Variants in AKAP11 observed in about 807,000 individuals in gnomAD.
AKAP11 encodes A-kinase anchoring protein 11.
Under a neutral mutation model 146.1 loss-of-function variants are expected in AKAP11, and 36 were observed. The ratio of observed to expected loss-of-function variants is 0.25; its 90% CI spans 0.19 to 0.33. The LOEUF (loss-of-function observed/expected upper bound fraction) is 0.33. Ranked by LOEUF, AKAP11 falls within the 10% of genes least tolerant of loss-of-function variation. The pLI is 1.00. For missense variants in AKAP11, 2,201 were observed against 2,197.0 expected (o/e 1.00, Z -0.04); for synonymous variants, 780 against 786.5 (o/e 0.99, Z 0.14).
At chr13:42,277,755 A>T (rs184713717) in intron 1 of AKAP11, among the ~76,000 whole-genome samples, 2 of 152,308 alleles carry the variant, frequency 1.3e-5, no homozygotes, top group East Asian at 3.9e-4. Context: ...ATAGTTGCTT[A>T]TTATGAGTAA....
chr13:42,291,322 A>G lies in AKAP11; in HGVS notation c.52-1063A>G, dbSNP rs1959210147. ...GGCTGGAGTGCAGTGGCGCAGTCTC[A>G]GCTAACTGCAACCCCCACCTCCCAG... On this transcript the variant is annotated intron_variant, in intron 3 of 12. Coordinates refer to ENST00000025301, the MANE Select transcript of AKAP11 (RefSeq NM_016248.4). Among the ~76,000 whole-genome samples, 4 of 152,148 alleles carry G rather than the reference A, an allele frequency of 2.6e-5. No homozygotes were observed. In the South Asian group the frequency reaches 6.2e-4, roughly 24 times the overall value.
chr13:42,294,542 A>G (rs1460718903), intron 4 of AKAP11, among the ~76,000 whole-genome samples: 2 of 152,084 alleles, frequency 1.3e-5, no homozygotes, highest in South Asian at 2.1e-4. Flanking sequence ...AGCTGGGACT[A>G]TAGGCATGCA....
chr13:42,280,089 A>G (rs1231822506), intron 1 of AKAP11, among the ~76,000 whole-genome samples: 1 of 152,166 alleles, frequency 6.6e-6, no homozygotes, highest in Non-Finnish European at 1.5e-5. Context: ...TACCCTGTAA[A>G]TTCTAGCCAT....
At position 42,301,657 on chromosome 13, in the gene AKAP11, T is replaced by G. The variant is rs946406492; in HGVS notation, c.2911T>G (p.Leu971Val). 11 of 1,613,992 alleles carry G rather than the reference T, an allele frequency of 6.8e-6. No individual in the cohort carries two copies. The highest frequency in any genetic ancestry group is 9.3e-6 in the Non-Finnish European group (11 of 1,179,998). ...IDKNAVYKES[L>V]PVSGEESQLT... is the part of the protein sequence containing the mutation. ...TAAAAATGCAGTATACAAGGAAAGC[T>G]TGCCTGTTTCTGGAGAAGAATCACA... The change falls in exon 8 of 13, where the codon TTG (leucine) becomes GTG (valine). Residue 971 changes from leucine to valine, a missense_variant. Around this residue, in one of 3 missense-constraint regions of AKAP11, gnomAD observed 1,867 missense variants for 1,833.5 expected, o/e 1.02. Coordinates refer to ENST00000025301, the MANE Select transcript of AKAP11 (RefSeq NM_016248.4).
chr13:42,283,584 A>T (rs982977209), intron 1 of AKAP11, among the ~76,000 whole-genome samples: 1 of 151,996 alleles, frequency 6.6e-6, no homozygotes, highest in East Asian at 1.9e-4. Flanking sequence ...GAGCACTCCC[A>T]CCTCTCCCTG....
intron 3 of AKAP11, among the ~76,000 whole-genome samples, chr13:42,288,746 G>A (rs1566261632): frequency 6.6e-6 from 1 of 152,076 alleles, no homozygotes; most frequent in Non-Finnish European, 1.5e-5. Flanking sequence ...ATTCAATTCT[G>A]ACATCTTGAA....
At chr13:42,310,850 C>T (rs1181189457) in intron 9 of AKAP11, among the ~76,000 whole-genome samples, 1 of 128,624 alleles carries the variant, frequency 7.8e-6, no homozygotes, top group Non-Finnish European at 1.6e-5. Context: ...CAGAGACAGA[C>T]TCCGTCAAAA....
chr13:42,272,081 G>A (rs1356439285), upstream of AKAP11: 1 of 101,738 alleles, frequency 9.8e-6, no homozygotes, highest in Non-Finnish European at 2.6e-5. Context: ...CGGAAGCCGA[G>A]GGGTGGGCAG....
intron 7 of AKAP11, 124 bp from the exon 8 acceptor site, chr13:42,299,239 A>T: frequency 1.2e-6 from 1 of 815,370 alleles, no homozygotes; most frequent in Non-Finnish European, 1.9e-6. Flanking sequence ...TCTTTCTGTT[A>T]AACATAGTTT....
At position 42,302,386 on chromosome 13, in the gene AKAP11, G is replaced by T; in HGVS notation, c.3640G>T (p.Ala1214Ser). Residue 1214 changes from alanine (A) to serine (S), a missense_variant, in exon 8 of 13, where the codon GCA (alanine) becomes TCA (serine). Physicochemically the swap from Ala to Ser is moderately conservative, Grantham distance 99 (BLOSUM62 1). Coordinates refer to ENST00000025301, the MANE Select transcript of AKAP11 (RefSeq NM_016248.4). ...CATCCTTTCTCTTGCAACTGAAATG[G>T]CAGCTTCCCATTTAGATAACAAAAT... The part of the protein sequence containing the change: ...THILSLATEM[A>S]ASHLDNKIIQ... The T allele has an allele frequency of 1.2e-6, 2 of 1,614,106 alleles. No individual in the cohort carries two copies. Among genetic ancestry groups the T allele is most frequent in the Non-Finnish European group, 1.7e-6 (2 of 1,180,010 alleles).
At chr13:42,273,559 C>G (rs988561276) in intron 1 of AKAP11, among the ~76,000 whole-genome samples, 2 of 152,068 alleles carry the variant, frequency 1.3e-5, no homozygotes, top group East Asian at 3.8e-4. Context: ...GAGCTAGAGA[C>G]TAATGTATGT....
Position 42,300,128 on chromosome 13 carries a change from G to C in AKAP11, c.1382G>C (p.Cys461Ser), listed in dbSNP as rs1341804726. The change falls in exon 8 of 13, where the codon TGT becomes TCT. Residue 461 changes from cysteine (C) to serine (S), a missense_variant. Around this residue, in one of 3 missense-constraint regions of AKAP11, gnomAD observed 1,867 missense variants for 1,833.5 expected, o/e 1.02. Coordinates refer to ENST00000025301, the MANE Select transcript of AKAP11 (RefSeq NM_016248.4). ...RSSAFSPLGG[C>S]TPAECFCQTD... ...TCTGCTTTTAGTCCTCTTGGAGGCTGTACTCCAGCTGAATGTTTTTGCCAA... is the reference window on the plus strand; with the variant it reads ...TCTGCTTTTAGTCCTCTTGGAGGCTCTACTCCAGCTGAATGTTTTTGCCAA... 6.2e-7 allele frequency: 1 copy of C among 1,613,926 alleles called. No individual in the cohort carries two copies. The highest frequency in any genetic ancestry group is 1.1e-5 in the South Asian group (1 of 91,070).
Position 42,319,884 on chromosome 13 carries a change from T to C in AKAP11, c.*656T>C, listed in dbSNP as rs906495565. On this transcript the variant is annotated 3_prime_UTR_variant, in exon 13 of 13. Coordinates refer to ENST00000025301, the MANE Select transcript of AKAP11 (RefSeq NM_016248.4). ...TTTCATTGACATTATTTGCCAATGCTGCCAGTCATTCTGGCATGAAAGGTG... is the reference window on the plus strand; with the variant it reads ...TTTCATTGACATTATTTGCCAATGCCGCCAGTCATTCTGGCATGAAAGGTG... The C allele has an allele frequency of 6.6e-6, 1 of 151,136 alleles. No individual in the cohort carries two copies. Among genetic ancestry groups the C allele is most frequent in the African/African-American group, 2.5e-5 (1 of 40,720 alleles). 9.4% of individuals were successfully genotyped at this position (151,136 alleles called of 1,614,324 possible).
In AKAP11 at chr13:42,301,210, G is replaced by T; in HGVS notation, c.2464G>T (p.Ala822Ser). 6.2e-7 allele frequency: 1 copy of T among 1,613,974 alleles called. No homozygotes were observed. The change falls in exon 8 of 13, where the codon GCC becomes TCC. Residue 822 changes from alanine to serine, a missense_variant. Physicochemically the swap from Ala to Ser is moderately conservative, Grantham distance 99. Transcript: ENST00000025301. ...SNGDSAQVHI[A>S]TKNREEKAAC... The stretch of plus-strand genomic sequence containing the variant: ...TGGTGATTCTGCCCAAGTGCATATT[G>T]CCACAAAAAACAGAGAAGAAAAAGC...
In AKAP11 at chr13:42,299,603, A is replaced by ATGCT; in HGVS notation, c.859_862dup (p.Ser288CysfsTer4). ...CAAAGGAGTTTCTATAGGTCATCTAATGCTTCAGATAAAGATAGTGATTTA... is the reference window on the plus strand; with the variant it reads ...CAAAGGAGTTTCTATAGGTCATCTAATGCTTGCTTCAGATAAAGATAGTGATTTA... On this transcript the variant is annotated frameshift_variant, in exon 8 of 13. Coordinates refer to ENST00000025301, the MANE Select transcript of AKAP11 (RefSeq NM_016248.4). LOFTEE classifies it high-confidence loss of function. 6.2e-7 allele frequency: 1 copy of ATGCT among 1,613,988 alleles called. No homozygotes were observed. Among genetic ancestry groups the ATGCT allele is most frequent in the African/African-American group, 1.3e-5 (1 of 75,042 alleles).
At chr13:42,299,249 T>G in intron 7 of AKAP11, 114 bp from the exon 8 acceptor site, 2 of 852,490 alleles carry the variant, frequency 2.3e-6, no homozygotes, top group Admixed American at 5.9e-5. Context: ...AAACATAGTT[T>G]AGAAGATACA....
In AKAP11 at chr13:42,301,365, C is replaced by T; in HGVS notation, c.2619C>T (p.Ser873=). ...TACCAAATGATCCTGCAATTATTAGCAACTTTTCTGCAGCAGTGGTGCATA... is the reference window on the plus strand; with the variant it reads ...TACCAAATGATCCTGCAATTATTAGTAACTTTTCTGCAGCAGTGGTGCATA... ...SKLPNDPAII[S]NFSAAVVHTI... Residue 873 remains serine (S), a synonymous_variant, in exon 8 of 13, where the codon AGC becomes AGT. Transcript: ENST00000025301. The T allele has an allele frequency of 1.7e-5, 28 of 1,613,866 alleles. No homozygotes were observed. The highest frequency in any genetic ancestry group is 2.4e-5 in the Non-Finnish European group (28 of 1,179,936).
chr13:42,279,262 C>CA (rs1210347367), intron 1 of AKAP11, among the ~76,000 whole-genome samples: 2 of 114,436 alleles, frequency 1.7e-5, no homozygotes, highest in Admixed American at 8.5e-5. Context: ...CACGTGCACA[C>CA]CCACACACAC....
Position 42,301,706 on chromosome 13 carries a change from A to G in AKAP11, c.2960A>G (p.Lys987Arg), listed in dbSNP as rs201504602. 1.7e-5 allele frequency: 28 copies of G among 1,614,076 alleles called. No individual in the cohort carries two copies. Among genetic ancestry groups the G allele is most frequent in the Middle Eastern group, 3.3e-4 (2 of 6,060 alleles). Residue 987 changes from lysine (K) to arginine (R), a missense_variant, in exon 8 of 13, where the codon AAA becomes AGA. This residue lies in a region of AKAP11 where 1,867 missense variants were observed against 1,833.5 expected (regional missense o/e 1.02). Transcript: ENST00000025301. ...ESQLTPEKSP[K>R]FPDSQNQLTH... is the part of the protein sequence containing the mutation. The stretch of plus-strand genomic sequence containing the variant: ...CAGTTGACACCAGAAAAGTCTCCCA[A>G]ATTTCCTGACTCTCAGAATCAGTTA...
Sources: allele counts gnomAD v4.1 joint callset (sites outside exome capture counted in the v4.1 genomes callset), GRCh38; gene constraint gnomAD v4.1.1; regional missense constraint gnomAD v4.1.1; transcripts MANE v1.5; gene names NCBI Gene and HGNC (gene_info 2026-07-23, HGNC 2026-07-21).